Variants in GRM3 observed in about 807,000 individuals in gnomAD.
The protein encoded by GRM3 is metabotropic glutamate receptor 3.
A neutral mutation model predicts 70.5 loss-of-function variants in GRM3; 26 were observed. That is an observed-to-expected ratio of 0.37 (90% CI 0.27 to 0.51). The LOEUF (loss-of-function observed/expected upper bound fraction) is 0.51, where lower values mean the gene tolerates loss of function less well. Among genes scored for constraint, GRM3 ranks in the 20% least tolerant of loss-of-function variants. The pLI, the probability that GRM3 is intolerant of heterozygous loss-of-function variation, is 0.93. For synonymous variants in GRM3, 443 were observed against 434.9 expected (o/e 1.02, Z -0.23); for missense variants, 859 against 1,123.8 (o/e 0.76, Z 3.37).
At chr7:86,682,857 A>G (rs960775317) in intron 1 of GRM3, among the ~76,000 whole-genome samples, 1 of 152,210 alleles carries the variant, frequency 6.6e-6, no homozygotes, top group African/African-American at 2.4e-5. Context: ...AAGGAACAGA[A>G]AAGCACAATT....
At chr7:86,779,536 T>C (rs1208221519) in intron 2 of GRM3, among the ~76,000 whole-genome samples, 1 of 152,230 alleles carries the variant, frequency 6.6e-6, no homozygotes, top group Non-Finnish European at 1.5e-5. Flanking sequence ...AGCACCTCTA[T>C]ACTCTGTGAG....
intron 1 of GRM3, among the ~76,000 whole-genome samples, chr7:86,737,939 A>G (rs1795902459): frequency 6.6e-6 from 1 of 152,176 alleles, no homozygotes; most frequent in African/African-American, 2.4e-5. Context: ...TATGAAATCT[A>G]TTGTGCACAT....
At chr7:86,821,257 C>A (rs1432387358) in intron 3 of GRM3, among the ~76,000 whole-genome samples, 3 of 151,842 alleles carry the variant, frequency 2.0e-5, no homozygotes, top group Admixed American at 2.0e-4. Flanking sequence ...ATGAAGTCTG[C>A]AATATAAAGA....
intron 3 of GRM3, among the ~76,000 whole-genome samples, chr7:86,801,061 C>CTT (rs1797669820): frequency 1.1e-4 from 12 of 108,818 alleles, no homozygotes; most frequent in African/African-American, 5.6e-4. Context: ...CGGCAAACTT[C>CTT]TTCTTTTTTT....
chr7:86,660,719 G>A (rs547170210), intron 1 of GRM3, among the ~76,000 whole-genome samples: 1 of 152,034 alleles, frequency 6.6e-6, no homozygotes, highest in South Asian at 2.1e-4. Context: ...GGAGGTTTAA[G>A]CATTTGAAGA....
At chr7:86,854,211 A>C (rs1159242227) in intron 5 of GRM3, among the ~76,000 whole-genome samples, 1 of 152,168 alleles carries the variant, frequency 6.6e-6, no homozygotes, top group African/African-American at 2.4e-5. Flanking sequence ...AGTCACCCCA[A>C]CTGGAAAGTA....
chr7:86,757,668 TA>T (rs1199909938), intron 1 of GRM3, among the ~76,000 whole-genome samples: 1 of 152,146 alleles, frequency 6.6e-6, no homozygotes, highest in Non-Finnish European at 1.5e-5. Context: ...TTCTATTAAA[TA>T]ATCCCTGCCT....
intron 1 of GRM3, among the ~76,000 whole-genome samples, chr7:86,648,711 TA>T (rs1394957395): frequency 1.3e-5 from 2 of 151,904 alleles, no homozygotes; most frequent in African/African-American, 2.4e-5. Flanking sequence ...AAGGTTACTT[TA>T]AAAATAGAAA....
At chr7:86,790,457 T>C (rs1231115910) in intron 3 of GRM3, among the ~76,000 whole-genome samples, 2 of 152,174 alleles carry the variant, frequency 1.3e-5, no homozygotes, top group Non-Finnish European at 2.9e-5. Context: ...TCTTACCTAC[T>C]TCAACCTAGC....
At chr7:86,785,685 A>ATTTTTTTTTGTTTTTTTT (rs1797214130) in intron 2 of GRM3, among the ~76,000 whole-genome samples, 1 of 65,192 alleles carries the variant, frequency 1.5e-5, no homozygotes, top group Non-Finnish European at 2.9e-5. Flanking sequence ...AATAGAATTG[A>ATTTTTTTTTGTTTTTTTT]TTTTTTTTTT....
At chr7:86,847,632 A>G (rs1190242253) in intron 4 of GRM3, among the ~76,000 whole-genome samples, 2 of 152,194 alleles carry the variant, frequency 1.3e-5, no homozygotes, top group African/African-American at 4.8e-5. Flanking sequence ...AGTAGAATAG[A>G]TAACTAAGAC....
At chr7:86,714,888 T>C in intron 1 of GRM3, among the ~76,000 whole-genome samples, 1 of 151,998 alleles carries the variant, frequency 6.6e-6, no homozygotes, top group East Asian at 1.9e-4. Flanking sequence ...AAGAGCTCGA[T>C]TTAAGCCAAT....
At chr7:86,731,605 T>G (rs916485345) in intron 1 of GRM3, among the ~76,000 whole-genome samples, 1 of 152,208 alleles carries the variant, frequency 6.6e-6, no homozygotes, top group African/African-American at 2.4e-5. Context: ...CATTCTTAAT[T>G]TTCTTATTTA....
chr7:86,709,802 T>C (rs773986817), intron 1 of GRM3, among the ~76,000 whole-genome samples: 1 of 152,142 alleles, frequency 6.6e-6, no homozygotes, highest in Non-Finnish European at 1.5e-5. Flanking sequence ...CATAAATGTC[T>C]GTAACTAAAA....
intron 1 of GRM3, among the ~76,000 whole-genome samples, chr7:86,649,930 A>C (rs765335448): frequency 6.6e-6 from 1 of 152,196 alleles, no homozygotes; most frequent in Non-Finnish European, 1.5e-5. Context: ...GTGCTGCAAA[A>C]ATCAAACTTG....
chr7:86,840,875 C>A (rs142400204), intron 4 of GRM3, among the ~76,000 whole-genome samples: 1 of 151,884 alleles, frequency 6.6e-6, no homozygotes, highest in Non-Finnish European at 1.5e-5. Context: ...ATTCCTACAT[C>A]GCCAAAATCT....
chr7:86,671,976 G>C (rs146562270), intron 1 of GRM3, among the ~76,000 whole-genome samples: 4 of 152,086 alleles, frequency 2.6e-5, no homozygotes, highest in African/African-American at 9.7e-5. Flanking sequence ...AAACAGGTTC[G>C]ACTCAAGAAG....
intron 1 of GRM3, among the ~76,000 whole-genome samples, chr7:86,699,489 A>G (rs889359759): frequency 2.0e-5 from 3 of 152,048 alleles, no homozygotes; most frequent in African/African-American, 4.8e-5. Context: ...GATAAGAGCA[A>G]TTAAACTTAA....
intron 1 of GRM3, among the ~76,000 whole-genome samples, chr7:86,744,116 C>T (rs997079224): frequency 1.3e-5 from 2 of 152,042 alleles, no homozygotes; most frequent in Admixed American, 6.6e-5. Flanking sequence ...ATCCACTATA[C>T]GAAGCATCCC....
Sources: allele counts gnomAD v4.1 joint callset (sites outside exome capture counted in the v4.1 genomes callset), GRCh38; gene constraint gnomAD v4.1.1; transcripts MANE v1.5; gene names NCBI Gene and HGNC (gene_info 2026-07-23, HGNC 2026-07-21).